Variants in LRRFIP1 observed in about 807,000 individuals in gnomAD.
The protein encoded by LRRFIP1 is leucine-rich repeat flightless-interacting protein 1.
In LRRFIP1, 62 loss-of-function variants were observed where a neutral mutation model predicts 104.4. That is an observed-to-expected ratio of 0.59 (90% CI 0.48 to 0.73). The LOEUF (loss-of-function observed/expected upper bound fraction) is 0.73, where lower values mean the gene tolerates loss of function less well. Ranked by LOEUF, LRRFIP1 falls within the 30% of genes least tolerant of loss-of-function variation. The probability of loss-of-function intolerance (pLI) is 0.00; values close to 1 mark genes in which losing one functional copy is unlikely to be tolerated. For synonymous variants in LRRFIP1, 300 were observed against 299.0 expected, an observed-to-expected ratio of 1.00 and a Z score of -0.03; for missense variants, 796 against 824.5, an observed-to-expected ratio of 0.97 and a Z score of 0.42.
intron 23 of LRRFIP1, 189 bp from the exon 24 acceptor site, chr2:237,779,233 C>T (rs1373285168): frequency 1.8e-6 from 1 of 547,510 alleles, no homozygotes; most frequent in Middle Eastern, 9.2e-4. Flanking sequence ...AAAAGAAAAC[C>T]ATCAGGATCC....
intron 4 of LRRFIP1, among the ~76,000 whole-genome samples, 190 bp from the exon 5 acceptor site, chr2:237,719,333 C>T (rs1298788298): frequency 1.3e-5 from 2 of 152,106 alleles, no homozygotes; most frequent in Non-Finnish European, 2.9e-5. Flanking sequence ...AAGAACCTCC[C>T]ACCCCAGAAA....
intron 1 of LRRFIP1, among the ~76,000 whole-genome samples, chr2:237,670,104 T>A (rs565018890): frequency 3.1e-4 from 48 of 152,396 alleles, no homozygotes; most frequent in African/African-American, 1.1e-3. Flanking sequence ...ATTCTCATGA[T>A]GATTTGTCAA....
rs1418922791 is a variant in LRRFIP1, at chr2:237,661,374, C to G, written c.96+33634C>G. On this transcript the variant is annotated intron_variant, in intron 1 of 23. Coordinates refer to ENST00000308482, the MANE Select transcript of LRRFIP1 (RefSeq NM_001137550.2). This position sits in a 1 kb window ranked among gnomAD's most constrained non-coding sequence, Gnocchi z 4.4. ...CAGATGCCACCATGCCTGCCAGTCC[C>G]TCTCCTCCTTAGAGCACAAGCCCTC... Among the ~76,000 whole-genome samples the G allele has an allele frequency of 2.0e-5, 3 of 152,188 alleles. No individual in the cohort carries two copies. Among genetic ancestry groups the G allele is most frequent in the African/African-American group, 7.2e-5 (3 of 41,456 alleles).
chr2:237,692,240 A>T, intron 1 of LRRFIP1: 1 of 1,119,572 alleles, frequency 8.9e-7, no homozygotes, highest in Non-Finnish European at 1.1e-6. Flanking sequence ...GCCCGCGGCC[A>T]CCTGCGCCCC....
chr2:237,721,477 A>G (rs2094534808), intron 6 of LRRFIP1: 1 of 152,228 alleles, frequency 6.6e-6, no homozygotes, highest in African/African-American at 2.4e-5. Context: ...TAAAATAGAA[A>G]AACTATGTTT....
intron 1 of LRRFIP1, among the ~76,000 whole-genome samples, chr2:237,674,403 A>G (rs1320655557): frequency 6.6e-6 from 1 of 152,228 alleles, no homozygotes; most frequent in Non-Finnish European, 1.5e-5. Flanking sequence ...ATACACTGCA[A>G]AAGTGACTGT....
At chr2:237,676,388 A>G (rs1353095377) in intron 1 of LRRFIP1, among the ~76,000 whole-genome samples, 1 of 152,184 alleles carries the variant, frequency 6.6e-6, no homozygotes. Flanking sequence ...GCCGGTCCTG[A>G]TGGTTATCTT....
Position 237,757,517 on chromosome 2 carries a change from A to C in LRRFIP1, c.1193A>C (p.Glu398Ala). The C allele has an allele frequency of 6.3e-7, 1 of 1,591,402 alleles. No homozygotes were observed. The highest frequency in any genetic ancestry group is 8.6e-7 in the Non-Finnish European group (1 of 1,168,524). ...SSIREISDLQ[E>A]TIEWKDKKIG... Reference sequence around the variant, plus strand: ...ATCAGGGAGATTTCTGATCTTCAGGAAACAATAGAGTGGAAAGACAAAAAG... The same window carrying C: ...ATCAGGGAGATTTCTGATCTTCAGGCAACAATAGAGTGGAAAGACAAAAAG... The change falls in exon 17 of 24, where the codon GAA becomes GCA. Residue 398 changes from glutamate (E) to alanine (A), a missense_variant. By Grantham distance (107) the Glu-to-Ala change is moderately radical. Coordinates refer to ENST00000308482, the MANE Select transcript of LRRFIP1 (RefSeq NM_001137550.2).
intron 19 of LRRFIP1, among the ~76,000 whole-genome samples, chr2:237,761,780 G>T (rs1411999211): frequency 6.6e-6 from 1 of 152,180 alleles, no homozygotes; most frequent in Non-Finnish European, 1.5e-5. Context: ...AGATCACTGG[G>T]CTATAAAATT....
chr2:237,767,265 T>G (rs532664704), intron 19 of LRRFIP1, among the ~76,000 whole-genome samples: 1 of 152,216 alleles, frequency 6.6e-6, no homozygotes, highest in East Asian at 1.9e-4. Context: ...TTAGAAAGAT[T>G]ATAGTGTCAA....
chr2:237,724,907 T>C (rs994459849), intron 7 of LRRFIP1, among the ~76,000 whole-genome samples: 1 of 152,194 alleles, frequency 6.6e-6, no homozygotes, highest in African/African-American at 2.4e-5. Context: ...CTTTTCCATC[T>C]CTAATGCCCT....
intron 23 of LRRFIP1, among the ~76,000 whole-genome samples, chr2:237,776,075 C>T (rs1049425702): frequency 1.3e-5 from 2 of 152,124 alleles, no homozygotes; most frequent in African/African-American, 4.8e-5. Flanking sequence ...AGCCTCCCAC[C>T]TCAGCCTCTC....
intron 19 of LRRFIP1, chr2:237,765,336 C>T (rs1352279615): frequency 3.2e-6 from 1 of 311,526 alleles, no homozygotes; most frequent in Admixed American, 6.8e-5. Flanking sequence ...ATTGGGAAGC[C>T]AAGGTGGGAG....
intron 1 of LRRFIP1, among the ~76,000 whole-genome samples, chr2:237,666,022 C>T (rs1435816052): frequency 1.3e-5 from 2 of 152,256 alleles, no homozygotes; most frequent in Non-Finnish European, 2.9e-5. Flanking sequence ...TGTTCACAAG[C>T]ATGGACTCTG....
chr2:237,756,079 T>G lies in LRRFIP1; in HGVS notation c.1039-16T>G. 1 of 1,596,462 alleles carries G rather than the reference T, an allele frequency of 6.3e-7. No homozygotes were observed. Among genetic ancestry groups the G allele is most frequent in the Non-Finnish European group, 8.6e-7 (1 of 1,165,004 alleles). On this transcript the variant is annotated splice_polypyrimidine_tract_variant and intron_variant, in intron 15 of 23. Coordinates refer to ENST00000308482, the MANE Select transcript of LRRFIP1 (RefSeq NM_001137550.2). ...ATGGGATTCCACTGCTTTAGTGCTG[T>G]TTTTCTCCTTTACAGGAATTTGAAA...
In LRRFIP1 at chr2:237,653,491, C is replaced by CA. The variant is rs574410263; in HGVS notation, c.96+25756dup. Among the ~76,000 whole-genome samples, 25 of 152,128 alleles carry CA rather than the reference C, an allele frequency of 1.6e-4. No homozygotes were observed. In the East Asian group the frequency reaches 4.2e-3, roughly 26 times the overall value. On this transcript the variant is annotated intron_variant, in intron 1 of 23. Coordinates refer to ENST00000308482, the MANE Select transcript of LRRFIP1 (RefSeq NM_001137550.2). ...ATCAAAACTCCAATGACATTGCTCA[C>CA]AAAAATAGAAAAAATAAAATAAAAT...
chr2:237,704,270 A>C (rs912239433), intron 1 of LRRFIP1, among the ~76,000 whole-genome samples: 2 of 149,790 alleles, frequency 1.3e-5, no homozygotes, highest in African/African-American at 4.9e-5. Flanking sequence ...CTTCTGCCTC[A>C]GCCTCCCGAG....
rs144552752 is a variant in LRRFIP1, at chr2:237,720,858, G to A, written c.345+36G>A. On this transcript the variant is annotated intron_variant, in intron 6 of 23. Transcript: ENST00000308482. Reference sequence around the variant, plus strand: ...AGAATGATGGAGTTTGCATGGCACAGTTTCTGGTCCAAGCCCTTTACTTTC... The same window carrying A: ...AGAATGATGGAGTTTGCATGGCACAATTTCTGGTCCAAGCCCTTTACTTTC... 2.8e-3 allele frequency: 4,547 copies of A among 1,598,888 alleles called. 17 individuals are homozygous for A. Among genetic ancestry groups the A allele is most frequent in the Admixed American group, 3.7e-3 (221 of 60,006 alleles).
At chr2:237,724,880 G>T (rs567050960) in intron 7 of LRRFIP1, among the ~76,000 whole-genome samples, 1 of 152,014 alleles carries the variant, frequency 6.6e-6, no homozygotes, top group South Asian at 2.1e-4. Context: ...GAGTTTTGAC[G>T]TCACCTTCCT....
Sources: allele counts gnomAD v4.1 joint callset (sites outside exome capture counted in the v4.1 genomes callset), GRCh38; gene constraint gnomAD v4.1.1; non-coding constraint Gnocchi (gnomAD v3.1); transcripts MANE v1.5; gene names NCBI Gene and HGNC (gene_info 2026-07-23, HGNC 2026-07-21).